Variants in AMBRA1 observed in about 807,000 individuals in gnomAD.
AMBRA1 encodes activating molecule in BECN1-regulated autophagy protein 1.
A neutral mutation model predicts 125.4 loss-of-function variants in AMBRA1; 47 were observed. The observed-to-expected ratio is 0.37, with a 90% CI of 0.30 to 0.48. The LOEUF is 0.48. AMBRA1 is among the 20% of genes least tolerant of loss of function. The pLI, the probability that AMBRA1 is intolerant of heterozygous loss-of-function variation, is 0.99. For synonymous variants in AMBRA1, 626 were observed against 655.5 expected (o/e 0.95, Z 0.69); for missense variants, 1,331 against 1,693.4 (o/e 0.79, Z 3.76).
chr11:46,542,844 G>C lies in AMBRA1; in HGVS notation c.1173C>G (p.Thr391=), dbSNP rs759163796. ...ACAGAGGCCCTCCCAAAGAGCGGCGGGTAGGACCCAGACTGAGGTTGCGGA... is the reference window on the plus strand; with the variant it reads ...ACAGAGGCCCTCCCAAAGAGCGGCGCGTAGGACCCAGACTGAGGTTGCGGA... ...NTLRNLSLGP[T]RRSLGGPLSS... is the part of the protein sequence containing the mutation. Residue 391 remains threonine (T), a synonymous_variant, in exon 7 of 18, where the codon ACC becomes ACG. Transcript: ENST00000683756. The surrounding 1 kb of genome is among the most constrained non-coding windows in gnomAD (Gnocchi z 5.9). 6.2e-7 allele frequency: 1 copy of C among 1,613,920 alleles called. No individual in the cohort carries two copies. Among genetic ancestry groups the C allele is most frequent in the Admixed American group, 1.7e-5 (1 of 60,024 alleles).
chr11:46,548,137 C>G (rs1258650608), intron 2 of AMBRA1, 109 bp downstream of exon 2: 1 of 1,485,248 alleles, frequency 6.7e-7, no homozygotes, highest in Non-Finnish European at 9.2e-7. Flanking sequence ...TATGTCAACT[C>G]TCCCACACAA....
chr11:46,529,830 C>T (rs1489085174), intron 7 of AMBRA1, among the ~76,000 whole-genome samples: 1 of 152,120 alleles, frequency 6.6e-6, no homozygotes, highest in African/African-American at 2.4e-5. Flanking sequence ...GTTAATGTAA[C>T]AATAGGCCCA....
rs138827988 is a variant in AMBRA1, at chr11:46,516,289, TTACAA to T, written c.2073-3481_2073-3477del. Among the ~76,000 whole-genome samples, 1,315 of 152,212 alleles carry T rather than the reference TTACAA, an allele frequency of 8.6e-3. 9 individuals are homozygous for T. Among genetic ancestry groups the T allele is most frequent in the African/African-American group, 0.031 (1,270 of 41,506 alleles). ...CTGATGAAACATCAGTTCTTCATAG[TTACAA>T]TACGAGTACTATCTGGAGTAAAAAT... On this transcript the variant is annotated intron_variant, in intron 7 of 17. Coordinates refer to ENST00000683756, the MANE Select transcript of AMBRA1 (RefSeq NM_001387011.1).
intron 14 of AMBRA1, among the ~76,000 whole-genome samples, chr11:46,429,436 G>C (rs1160833373): frequency 6.6e-6 from 1 of 152,160 alleles, no homozygotes; most frequent in Non-Finnish European, 1.5e-5. Context: ...CCACTTATTG[G>C]GAGGTGGGGG....
At chr11:46,545,168 G>GC (rs1952950182) in intron 5 of AMBRA1, among the ~76,000 whole-genome samples, 2 of 141,876 alleles carry the variant, frequency 1.4e-5, no homozygotes, top group African/African-American at 5.3e-5. Flanking sequence ...AGCCGGGGGG[G>GC]GGGGGGTGGT....
intron 11 of AMBRA1, among the ~76,000 whole-genome samples, chr11:46,448,059 T>C (rs906685969): frequency 6.6e-6 from 1 of 152,222 alleles, no homozygotes; most frequent in Non-Finnish European, 1.5e-5. Flanking sequence ...AGAGATGTCC[T>C]TGTGTAAGAG....
chr11:46,431,851 CA>C (rs1461895743), intron 14 of AMBRA1, among the ~76,000 whole-genome samples: 1 of 152,164 alleles, frequency 6.6e-6, no homozygotes, highest in Non-Finnish European at 1.5e-5. Context: ...ATCTCCTATT[CA>C]CCCAATGTCA....
chr11:46,590,019 A>C (rs2044535289), intron 1 of AMBRA1, among the ~76,000 whole-genome samples: 1 of 151,634 alleles, frequency 6.6e-6, no homozygotes, highest in Non-Finnish European at 1.5e-5. Context: ...CTACATGATC[A>C]AAACAAAAGT....
chr11:46,436,327 C>T (rs1435537076), intron 12 of AMBRA1, among the ~76,000 whole-genome samples: 2 of 152,198 alleles, frequency 1.3e-5, no homozygotes, highest in African/African-American at 2.4e-5. Context: ...GTTCTCCTTT[C>T]CCTGTGTGTT....
chr11:46,473,636 CCTTTAAGGATT>C (rs1949693429), intron 11 of AMBRA1, among the ~76,000 whole-genome samples: 1 of 152,110 alleles, frequency 6.6e-6, no homozygotes, highest in African/African-American at 2.4e-5. Context: ...AATAATGGAT[CCTTTAAGGATT>C]CTTTTTTTGT....
intron 7 of AMBRA1, among the ~76,000 whole-genome samples, chr11:46,537,838 G>T (rs1429257111): frequency 6.6e-6 from 1 of 152,098 alleles, no homozygotes; most frequent in Non-Finnish European, 1.5e-5. Context: ...CTACTATAAG[G>T]CCAATGAACA....
chr11:46,488,310 G>A (rs1386224214), intron 11 of AMBRA1, among the ~76,000 whole-genome samples: 1 of 152,020 alleles, frequency 6.6e-6, no homozygotes, highest in East Asian at 1.9e-4. Context: ...ACAAAAATTA[G>A]CCAGGCCTGG....
intron 15 of AMBRA1, 103 bp from the exon 16 acceptor site, chr11:46,410,471 C>G: frequency 1.0e-6 from 1 of 983,752 alleles, no homozygotes; most frequent in Admixed American, 1.9e-5. Context: ...GGCTGCCCAT[C>G]CTTTCTCTCT....
At chr11:46,430,398 T>C (rs932416615) in intron 14 of AMBRA1, among the ~76,000 whole-genome samples, 1 of 152,192 alleles carries the variant, frequency 6.6e-6, no homozygotes, top group Non-Finnish European at 1.5e-5. Flanking sequence ...GAAGAAATCT[T>C]GTTTTAAAAA....
At chr11:46,541,425 G>GT (rs1952734503) in intron 7 of AMBRA1, among the ~76,000 whole-genome samples, 1 of 152,060 alleles carries the variant, frequency 6.6e-6, no homozygotes. Context: ...ATACATATAT[G>GT]TATTTTTTTT....
intron 15 of AMBRA1, among the ~76,000 whole-genome samples, chr11:46,417,540 T>A (rs1946601060): frequency 6.6e-6 from 1 of 152,150 alleles, no homozygotes; most frequent in African/African-American, 2.4e-5. Context: ...CGGTATTTAC[T>A]CAAACCCAAG....
chr11:46,416,016 A>G (rs1946529163), intron 15 of AMBRA1, among the ~76,000 whole-genome samples: 1 of 151,864 alleles, frequency 6.6e-6, no homozygotes, highest in African/African-American at 2.4e-5. Flanking sequence ...TATTTTTGCA[A>G]GGGAGAGGAC....
intron 1 of AMBRA1, among the ~76,000 whole-genome samples, chr11:46,571,235 G>C (rs562266571): frequency 3.3e-5 from 5 of 152,144 alleles, no homozygotes; most frequent in Non-Finnish European, 7.3e-5. Context: ...AAGTTTGCCA[G>C]CTCAAGTCAG....
At chr11:46,404,615 G>A (rs1397443528) in intron 17 of AMBRA1, among the ~76,000 whole-genome samples, 1 of 152,156 alleles carries the variant, frequency 6.6e-6, no homozygotes, top group Non-Finnish European at 1.5e-5. Flanking sequence ...AGGGATGCAG[G>A]CAGGCAGAAG....
Sources: allele counts gnomAD v4.1 joint callset (sites outside exome capture counted in the v4.1 genomes callset), GRCh38; gene constraint gnomAD v4.1.1; non-coding constraint Gnocchi (gnomAD v3.1); transcripts MANE v1.5; gene names NCBI Gene and HGNC (gene_info 2026-07-23, HGNC 2026-07-21).